GPC5: variants seen among roughly 807,000 people sequenced by gnomAD.
GPC5 encodes the protein glypican-5.
GPC5 carries 47 observed loss-of-function variants against 53.9 expected under a neutral mutation model. The observed-to-expected ratio is 0.87, with a 90% CI of 0.69 to 1.11. The LOEUF (loss-of-function observed/expected upper bound fraction) is 1.11, where lower values mean the gene tolerates loss of function less well. GPC5 is among the 50% of genes most tolerant of loss of function. The pLI, the probability that GPC5 is intolerant of heterozygous loss-of-function variation, is 0.00. For missense variants in GPC5, 748 were observed against 713.1 expected, an observed-to-expected ratio of 1.05 and a Z score of -0.56; for synonymous variants, 286 against 263.3, an observed-to-expected ratio of 1.09 and a Z score of -0.84.
intron 6 of GPC5, among the ~76,000 whole-genome samples, chr13:92,055,790 T>C (rs1248727732): frequency 6.6e-6 from 1 of 152,184 alleles, no homozygotes; most frequent in East Asian, 1.9e-4. Flanking sequence ...TTAAAGTAGA[T>C]TAAATAATAT....
intron 7 of GPC5, among the ~76,000 whole-genome samples, chr13:92,637,083 C>T (rs934043709): frequency 6.6e-6 from 1 of 152,110 alleles, no homozygotes. Flanking sequence ...ACTGTACTGC[C>T]TTGGTTACGA....
In GPC5 at chr13:92,160,157, G is replaced by T. The variant is rs561018304; in HGVS notation, c.1561+15168G>T. On this transcript the variant is annotated intron_variant, in intron 7 of 7. Transcript: ENST00000377067. ...ACTCCTGACCTCAAGCGATCCACTT[G>T]CCTCAGCCTCCCAAAGTGCTGGGAT... Among the ~76,000 whole-genome samples, 6 of 151,402 alleles carry T rather than the reference G, an allele frequency of 4.0e-5. No homozygotes were observed. In the South Asian group the frequency reaches 1.3e-3, roughly 32 times the overall value.
chr13:92,218,087 C>T (rs1365977485), intron 7 of GPC5, among the ~76,000 whole-genome samples: 1 of 151,608 alleles, frequency 6.6e-6, no homozygotes, highest in Non-Finnish European at 1.5e-5. Context: ...CCATGGCTGA[C>T]TAATTTTTAA....
intron 6 of GPC5, among the ~76,000 whole-genome samples, chr13:91,945,661 C>A (rs73612904): frequency 6.6e-6 from 1 of 152,100 alleles, no homozygotes; most frequent in Non-Finnish European, 1.5e-5. Flanking sequence ...GTGCCCTAGC[C>A]TGGTAGCTCA....
chr13:92,674,690 A>G (rs1425036662), intron 7 of GPC5, among the ~76,000 whole-genome samples: 1 of 152,060 alleles, frequency 6.6e-6, no homozygotes, highest in East Asian at 1.9e-4. Flanking sequence ...TGATTATTTT[A>G]TCTTCTTCTT....
At chr13:91,554,326 C>G (rs773937940) in intron 2 of GPC5, among the ~76,000 whole-genome samples, 1 of 151,668 alleles carries the variant, frequency 6.6e-6, no homozygotes, top group Non-Finnish European at 1.5e-5. Flanking sequence ...AACACATGCA[C>G]GTGGACACAT....
At chr13:92,632,534 C>T (rs1885282252) in intron 7 of GPC5, among the ~76,000 whole-genome samples, 1 of 146,616 alleles carries the variant, frequency 6.8e-6, no homozygotes, top group African/African-American at 2.5e-5. Flanking sequence ...ACACAAGCTA[C>T]CTGTATAGTT....
intron 2 of GPC5, among the ~76,000 whole-genome samples, chr13:91,454,662 A>T (rs1482469209): frequency 6.6e-6 from 1 of 152,112 alleles, no homozygotes; most frequent in East Asian, 1.9e-4. Context: ...AATGATACTT[A>T]GCAAGAAGAC....
At chr13:92,617,355 T>C (rs1365311324) in intron 7 of GPC5, among the ~76,000 whole-genome samples, 4 of 152,192 alleles carry the variant, frequency 2.6e-5, no homozygotes, top group African/African-American at 9.7e-5. Context: ...TAGCTCTTCT[T>C]TCCATTCTGA....
chr13:92,434,125 A>G (rs1877205832), intron 7 of GPC5, among the ~76,000 whole-genome samples: 1 of 152,162 alleles, frequency 6.6e-6, no homozygotes, highest in African/African-American at 2.4e-5. Context: ...CCTCATTGGG[A>G]GAAATGTTGA....
At chr13:91,862,252 G>A (rs1309954764) in intron 5 of GPC5, among the ~76,000 whole-genome samples, 4 of 152,126 alleles carry the variant, frequency 2.6e-5, no homozygotes, top group South Asian at 2.1e-4. Context: ...TTCTGAAAAC[G>A]TCTTAATTTT....
At chr13:92,136,823 G>A (rs749230258) in intron 6 of GPC5, among the ~76,000 whole-genome samples, 12 of 152,220 alleles carry the variant, frequency 7.9e-5, no homozygotes, top group Non-Finnish European at 1.8e-4. Context: ...CAGACAGTTA[G>A]TAAAAAGCAA....
intron 7 of GPC5, among the ~76,000 whole-genome samples, chr13:92,761,867 G>C (rs1875190176): frequency 6.6e-6 from 1 of 152,054 alleles, no homozygotes; most frequent in South Asian, 2.1e-4. Flanking sequence ...AATCTTGTGA[G>C]CTAGGAGAAA....
intron 2 of GPC5, among the ~76,000 whole-genome samples, chr13:91,687,186 A>G (rs370689896): frequency 1.2e-4 from 18 of 152,140 alleles, no homozygotes; most frequent in African/African-American, 3.8e-4. Context: ...CTTTAAACTA[A>G]TAAAAGCCTT....
Position 92,090,477 on chromosome 13 carries a change from A to T in GPC5, c.1402-54353A>T, listed in dbSNP as rs1474487973. 1.3e-5 allele frequency among the ~76,000 whole-genome samples: 2 copies of T among 152,138 alleles called. 1 individual carries two copies. Among genetic ancestry groups the T allele is most frequent in the South Asian group, 4.1e-4 (2 of 4,820 alleles). On this transcript the variant is annotated intron_variant, in intron 6 of 7. Coordinates refer to ENST00000377067, the MANE Select transcript of GPC5 (RefSeq NM_004466.6). ...TCAACATGTGGGGCACAGGGAAGAG[A>T]TGGCAATTCATGAATCAAGAAGCAG...
intron 6 of GPC5, among the ~76,000 whole-genome samples, chr13:91,962,264 T>C (rs775602774): frequency 1.2e-4 from 19 of 152,156 alleles, no homozygotes; most frequent in Non-Finnish European, 2.6e-4. Flanking sequence ...AAGACTTCTT[T>C]TGAAACTGAA....
At chr13:92,682,550 T>C (rs1193238900) in intron 7 of GPC5, among the ~76,000 whole-genome samples, 2 of 152,208 alleles carry the variant, frequency 1.3e-5, no homozygotes, top group Non-Finnish European at 2.9e-5. Flanking sequence ...AAATTAGATA[T>C]ACATAAGCAC....
At chr13:92,502,238 A>G (rs1205357977) in intron 7 of GPC5, among the ~76,000 whole-genome samples, 1 of 152,020 alleles carries the variant, frequency 6.6e-6, no homozygotes, top group Non-Finnish European at 1.5e-5. Context: ...CTGAATGTGC[A>G]GTAGGTGTAT....
At chr13:92,163,579 A>G (rs557746419) in intron 7 of GPC5, among the ~76,000 whole-genome samples, 1 of 152,132 alleles carries the variant, frequency 6.6e-6, no homozygotes, top group African/African-American at 2.4e-5. Flanking sequence ...GGAGGCTATT[A>G]TATAATTATT....
Sources: gnomAD v4.1 joint callset for allele counts (sites outside exome capture counted in the v4.1 genomes callset) on GRCh38, gnomAD v4.1.1 for gene constraint, MANE v1.5 for transcripts, NCBI Gene and HGNC (gene_info 2026-07-23, HGNC 2026-07-21) for gene names.